DUS4L: variants seen among roughly 807,000 people sequenced by gnomAD.
The protein encoded by DUS4L is dihydrouridine synthase 4 like, also known as tRNA-dihydrouridine(20a/20b) synthase [NAD(P)+]-like.
Under a neutral mutation model 33.8 loss-of-function variants are expected in DUS4L, and 31 were observed. The ratio of observed to expected loss-of-function variants is 0.92; its 90% CI spans 0.69 to 1.24. The LOEUF is 1.24. Among genes scored for constraint, DUS4L ranks in the 50% most tolerant of loss-of-function variants. DUS4L has a pLI of 0.00. For synonymous variants in DUS4L, 103 were observed against 120.3 expected, an observed-to-expected ratio of 0.86 and a Z score of 0.94; for missense variants, 368 against 388.6, an observed-to-expected ratio of 0.95 and a Z score of 0.45.
chr7:107,572,566 T>A (rs1247392133), intron 4 of DUS4L, among the ~76,000 whole-genome samples: 1 of 152,184 alleles, frequency 6.6e-6, no homozygotes, highest in Admixed American at 6.6e-5. Context: ...ATTAAAACTT[T>A]GGGCCAGAGG....
intron 2 of DUS4L, 76 bp from the exon 3 acceptor site, chr7:107,566,974 G>T: frequency 9.8e-7 from 1 of 1,020,474 alleles, no homozygotes; most frequent in Non-Finnish European, 1.4e-6. Context: ...ATATGTTGTT[G>T]GCAGTTGAAA....
intron 2 of DUS4L, among the ~76,000 whole-genome samples, chr7:107,565,699 A>AT (rs1335126511): frequency 2.6e-5 from 4 of 151,906 alleles, no homozygotes; most frequent in African/African-American, 7.3e-5. Flanking sequence ...GATTTTTATA[A>AT]TTTTTTTAGA....
intron 5 of DUS4L, among the ~76,000 whole-genome samples, chr7:107,574,728 A>T (rs1459141892): frequency 6.6e-6 from 1 of 152,240 alleles, no homozygotes; most frequent in African/African-American, 2.4e-5. Context: ...TGTTAAGTAT[A>T]GCGTAATCGA....
In DUS4L at chr7:107,577,255, G is replaced by T. The variant is rs1805834212; in HGVS notation, c.707-58G>T. 1.9e-6 allele frequency: 3 copies of T among 1,594,070 alleles called. No individual in the cohort carries two copies. In the South Asian group the frequency reaches 3.4e-5, roughly 18 times the overall value. ...ATATACTGTTTGCTTCATTGAGCTT[G>T]AACTAATAACCAGGGGTTCTTAATG... On this transcript the variant is annotated intron_variant, in intron 7 of 7. Transcript: ENST00000265720.
rs62483727 is a variant in DUS4L, at chr7:107,578,102, A to C, written c.*542A>C. ...GACATTAAATTTGGTACATTTCAAA[A>C]CTTCTAGGTCCTCCAAAGATTGAAA... On this transcript the variant is annotated 3_prime_UTR_variant, in exon 8 of 8. Coordinates refer to ENST00000265720, the MANE Select transcript of DUS4L (RefSeq NM_181581.3). The C allele has an allele frequency of 0.13, 19,144 of 152,206 alleles. 1,578 individuals are homozygous for C. The highest frequency in any genetic ancestry group is 0.33 in the East Asian group (1,701 of 5,176). 9.4% of individuals were successfully genotyped at this position (152,206 alleles called of 1,614,324 possible).
intron 5 of DUS4L, 175 bp from the exon 6 acceptor site, chr7:107,575,013 G>A (rs1805601673): frequency 1.0e-5 from 8 of 773,132 alleles, no homozygotes; most frequent in Non-Finnish European, 1.6e-5. Flanking sequence ...CTGGGAACAT[G>A]TTTTCCTAAT....
chr7:107,564,336 C>T (rs1804345862), intron 1 of DUS4L, 127 bp downstream of exon 1: 1 of 372,048 alleles, frequency 2.7e-6, no homozygotes. Flanking sequence ...GCCCTCCACA[C>T]TCACAAGAGT....
chr7:107,577,559 G>T lies in DUS4L; in HGVS notation c.953G>T (p.Ter318LeuextTer12). Residue 318 changes from the stop codon to leucine, a stop_lost, in exon 8 of 8, where the codon TGA becomes TTA. Coordinates refer to ENST00000265720, the MANE Select transcript of DUS4L (RefSeq NM_181581.3). ...TACCTTACAGACCATTATGGCATTT[G>T]ACTAGACTTCCCAAATAATTTTAAT... Reference protein sequence around the residue: ...IDYLTDHYGI* With the variant: ...IDYLTDHYGIL 1 of 1,610,206 alleles carries T rather than the reference G, an allele frequency of 6.2e-7. No individual in the cohort carries two copies. The highest frequency in any genetic ancestry group is 1.1e-5 in the South Asian group (1 of 90,830).
chr7:107,567,929 C>T (rs1027523651), intron 3 of DUS4L: 1 of 244,258 alleles, frequency 4.1e-6, no homozygotes, highest in Non-Finnish European at 8.2e-6. Context: ...ATATTTTATG[C>T]AGCATAACAT....
At chr7:107,564,239 AT>A in intron 1 of DUS4L, 30 bp downstream of exon 1, 1 of 577,710 alleles carries the variant, frequency 1.7e-6, no homozygotes, top group Non-Finnish European at 3.1e-6. Flanking sequence ...CGCAGCGCTT[AT>A]CTGTGAAGCA....
chr7:107,567,204 AT>A lies in DUS4L; in HGVS notation c.116+20del, dbSNP rs775695021. Reference sequence around the variant, plus strand: ...TATTCAAAGTAAGTGTTGCAAAATGATTAATGAACTAAGATGAAATTTCCCT... The same window carrying A: ...TATTCAAAGTAAGTGTTGCAAAATGATAATGAACTAAGATGAAATTTCCCT... On this transcript the variant is annotated intron_variant, in intron 3 of 7. Transcript: ENST00000265720. The A allele has an allele frequency of 1.5e-4, 240 of 1,601,940 alleles. No homozygotes were observed. Among genetic ancestry groups the A allele is most frequent in the Non-Finnish European group, 7.2e-5 (84 of 1,170,834 alleles).
rs764072011 is a variant in DUS4L at position 107,577,525 on chromosome 7, A to T, written c.919A>T (p.Ile307Phe). Residue 307 changes from isoleucine to phenylalanine, a missense_variant, in exon 8 of 8, where the codon ATC becomes TTC. Transcript: ENST00000265720. ...VFNALSSTSA[I>F]IDYLTDHYGI ...TAATGCTCTGTCAAGCACATCAGCA[A>T]TCATAGATTACCTTACAGACCATTA... 1 of 1,614,080 alleles carries T rather than the reference A, an allele frequency of 6.2e-7. No homozygotes were observed. Among genetic ancestry groups the T allele is most frequent in the Non-Finnish European group, 8.5e-7 (1 of 1,180,008 alleles).
In DUS4L at chr7:107,571,223, C is replaced by G; in HGVS notation, c.195C>G (p.Val65=). 6.2e-7 allele frequency: 1 copy of G among 1,612,126 alleles called. No individual in the cohort carries two copies. The highest frequency in any genetic ancestry group is 1.3e-5 in the African/African-American group (1 of 74,870). ...YTPMIVAADF[V]KSIKARDSEF... is the part of the protein sequence containing the mutation. The stretch of plus-strand genomic sequence containing the variant: ...CAATGATTGTTGCCGCTGATTTTGT[C>G]AAATCTATAAAAGCCAGAGACAGCG... Residue 65 remains valine, a synonymous_variant, in exon 4 of 8, where the codon GTC becomes GTG. Transcript: ENST00000265720.
chr7:107,576,638 T>A (rs755798716), intron 7 of DUS4L, 46 bp downstream of exon 7: 7 of 1,485,146 alleles, frequency 4.7e-6, no homozygotes, highest in Non-Finnish European at 6.4e-6. Flanking sequence ...GGGGAAGAAA[T>A]GAGAGTGGGG....
intron 7 of DUS4L, 148 bp downstream of exon 7, chr7:107,576,740 GATGTTAAGTTTT>G: frequency 1.4e-6 from 1 of 725,618 alleles, no homozygotes; most frequent in Non-Finnish European, 2.1e-6. Flanking sequence ...TTATTAAAAT[GATGTTAAGTTTT>G]CTACCTAGAA....
chr7:107,564,268 C>G (rs1804327231), intron 1 of DUS4L, 59 bp downstream of exon 1: 2 of 521,834 alleles, frequency 3.8e-6, no homozygotes, highest in African/African-American at 1.9e-5. Flanking sequence ...AACCTCAGAA[C>G]AGGGGCCGCG....
chr7:107,573,728 TTGC>T lies in DUS4L; in HGVS notation c.268_270del (p.Ala90del), dbSNP rs753508498. ...GGTGATTGCCCATTGATTGTTCAGT[TTGC>T]TGCTAACGATGCAAGACTTTTATCT... On this transcript the variant is annotated inframe_deletion, in exon 5 of 8. Coordinates refer to ENST00000265720, the MANE Select transcript of DUS4L (RefSeq NM_181581.3). The T allele has an allele frequency of 6.2e-7, 1 of 1,609,934 alleles. No homozygotes were observed. Among genetic ancestry groups the T allele is most frequent in the South Asian group, 1.1e-5 (1 of 90,148 alleles).
Position 107,573,829 on chromosome 7 carries a change from T to C in DUS4L, c.356+8T>C. The stretch of plus-strand genomic sequence containing the variant: ...CTGTGGTTGCCCTCAGAGGTAAAGC[T>C]CAAAGAAGTTGGAAGAATTTTCCAA... On this transcript the variant is annotated splice_region_variant and intron_variant, in intron 5 of 7. Transcript: ENST00000265720. The C allele has an allele frequency of 6.7e-7, 1 of 1,496,032 alleles. No individual in the cohort carries two copies. The highest frequency in any genetic ancestry group is 8.9e-7 in the Non-Finnish European group (1 of 1,120,046). 92.7% of individuals were successfully genotyped at this position (1,496,032 alleles called of 1,614,324 possible).
At chr7:107,576,665 A>T in intron 7 of DUS4L, 73 bp downstream of exon 7, 1 of 1,361,506 alleles carries the variant, frequency 7.3e-7, no homozygotes, top group East Asian at 2.4e-5. Context: ...TGTTAATTTG[A>T]TTTTCATTTG....
Sources: allele counts gnomAD v4.1 joint callset (sites outside exome capture counted in the v4.1 genomes callset), GRCh38; gene constraint gnomAD v4.1.1; transcripts MANE v1.5; gene names NCBI Gene and HGNC (gene_info 2026-07-23, HGNC 2026-07-21).